The following DSCAM variants were observed in gnomAD, a reference collection of about 807,000 sequenced individuals.
DSCAM encodes the protein cell adhesion molecule DSCAM.
DSCAM carries 47 observed loss-of-function variants against 217.7 expected under a neutral mutation model. The ratio of observed to expected loss-of-function variants is 0.22; its 90% CI spans 0.17 to 0.28. The LOEUF (loss-of-function observed/expected upper bound fraction) is 0.28. Ranked by LOEUF, DSCAM falls within the 10% of genes least tolerant of loss-of-function variation. The probability of loss-of-function intolerance (pLI) is 1.00; values close to 1 mark genes in which losing one functional copy is unlikely to be tolerated. For synonymous variants in DSCAM, 1,056 were observed against 1,015.3 expected, an observed-to-expected ratio of 1.04 and a Z score of -0.76; for missense variants, 2,080 against 2,618.3, an observed-to-expected ratio of 0.79 and a Z score of 4.49.
intron 3 of DSCAM, among the ~76,000 whole-genome samples, chr21:40,646,814 C>T (rs2089952935): frequency 6.6e-6 from 1 of 152,200 alleles, no homozygotes; most frequent in African/African-American, 2.4e-5. Context: ...GGGCCCTGGA[C>T]CATCTCTTGG....
intron 19 of DSCAM, among the ~76,000 whole-genome samples, chr21:40,131,179 C>A (rs558340796): frequency 5.9e-5 from 9 of 152,174 alleles, no homozygotes; most frequent in Admixed American, 5.9e-4. Context: ...AGTATAAATA[C>A]GATCTGTAAT....
intron 1 of DSCAM, among the ~76,000 whole-genome samples, chr21:40,767,839 C>T (rs543395964): frequency 6.6e-6 from 1 of 151,942 alleles, no homozygotes; most frequent in Admixed American, 6.5e-5. Context: ...TTAACATTGC[C>T]AGTTTAGTCA....
At chr21:40,800,715 C>CTTTTTTTTTTT (rs34391500) in intron 1 of DSCAM, among the ~76,000 whole-genome samples, 6 of 131,078 alleles carry the variant, frequency 4.6e-5, no homozygotes, top group East Asian at 4.7e-4. Flanking sequence ...TTCTTACTTT[C>CTTTTTTTTTTT]TTTTTTTTTT....
intron 3 of DSCAM, among the ~76,000 whole-genome samples, chr21:40,595,710 T>A (rs1428451906): frequency 6.6e-6 from 1 of 152,166 alleles, no homozygotes; most frequent in Non-Finnish European, 1.5e-5. Context: ...TATAAGAGGA[T>A]CAGATCCAAA....
rs1226489608 is a variant in DSCAM, at chr21:40,011,631, G to A, written c.*1403C>T. 6.6e-6 allele frequency: 1 copy of A among 152,212 alleles called. No homozygotes were observed. The highest frequency in any genetic ancestry group is 1.9e-4 in the East Asian group (1 of 5,196). 9.4% of individuals were successfully genotyped at this position (152,212 alleles called of 1,614,324 possible). ...CTCTTTCATAAAGCAAACCCTGTGAGGGTTGTGGGATAAAGAATGCAGTTC... is the reference window on the plus strand; with the variant it reads ...CTCTTTCATAAAGCAAACCCTGTGAAGGTTGTGGGATAAAGAATGCAGTTC... On this transcript the variant is annotated 3_prime_UTR_variant, in exon 33 of 33. Transcript: ENST00000400454.
chr21:40,351,062 T>A (rs2074625514), intron 5 of DSCAM, among the ~76,000 whole-genome samples: 1 of 151,708 alleles, frequency 6.6e-6, no homozygotes, highest in African/African-American at 2.4e-5. Context: ...AAACATACTT[T>A]TAATGGAATC....
At chr21:40,817,989 G>C (rs547250258) in intron 1 of DSCAM, among the ~76,000 whole-genome samples, 1 of 149,766 alleles carries the variant, frequency 6.7e-6, no homozygotes, top group Non-Finnish European at 1.5e-5. Flanking sequence ...CCAGCTACTC[G>C]GGAGGCTGAG....
chr21:40,058,553 A>C (rs1357646913), intron 28 of DSCAM, among the ~76,000 whole-genome samples: 3 of 152,216 alleles, frequency 2.0e-5, no homozygotes, highest in Non-Finnish European at 4.4e-5. Flanking sequence ...TCTGTGAAGT[A>C]AATCCTCACA....
rs143165252 is a variant in DSCAM at position 40,810,952 on chromosome 21, T to C, written c.43+35667A>G. Among the ~76,000 whole-genome samples the C allele has an allele frequency of 2.8e-4, 42 of 152,274 alleles. No individual in the cohort carries two copies. In the East Asian group the frequency reaches 7.5e-3, roughly 27 times the overall value. On this transcript the variant is annotated intron_variant, in intron 1 of 32. Coordinates refer to ENST00000400454, the MANE Select transcript of DSCAM (RefSeq NM_001389.5). ...AAAATAATTTTTTCACTTGGGGTCA[T>C]TGTATGTTTGCAATGAGAGGCTACA...
chr21:40,391,647 C>T (rs980099618), intron 3 of DSCAM, among the ~76,000 whole-genome samples: 6 of 152,180 alleles, frequency 3.9e-5, no homozygotes, highest in Non-Finnish European at 7.3e-5. Context: ...GACAGGATGT[C>T]TCCCCACTGG....
At chr21:40,779,492 G>A (rs970433911) in intron 1 of DSCAM, among the ~76,000 whole-genome samples, 3 of 152,160 alleles carry the variant, frequency 2.0e-5, no homozygotes, top group Non-Finnish European at 4.4e-5. Context: ...CATTGCATGC[G>A]TATCAAATTC....
chr21:40,575,868 T>C (rs2076846108), intron 3 of DSCAM, among the ~76,000 whole-genome samples: 1 of 151,944 alleles, frequency 6.6e-6, no homozygotes, highest in African/African-American at 2.4e-5. Flanking sequence ...AGAAGACATA[T>C]CACGTCCAAT....
chr21:40,792,689 A>C (rs2091656616), intron 1 of DSCAM, among the ~76,000 whole-genome samples: 1 of 152,226 alleles, frequency 6.6e-6, no homozygotes, highest in South Asian at 2.1e-4. Context: ...GATAAAGAGA[A>C]TGGGGCAGTA....
intron 23 of DSCAM, among the ~76,000 whole-genome samples, chr21:40,084,285 G>A (rs531189082): frequency 1.3e-5 from 2 of 152,084 alleles, no homozygotes; most frequent in South Asian, 2.1e-4. Flanking sequence ...GACTGTCTGA[G>A]TTATTTATCA....
At chr21:40,029,640 C>G (rs2088479390) in intron 32 of DSCAM, among the ~76,000 whole-genome samples, 1 of 152,176 alleles carries the variant, frequency 6.6e-6, no homozygotes, top group African/African-American at 2.4e-5. Context: ...GAGCCTACCT[C>G]TGCACAGGTC....
intron 1 of DSCAM, among the ~76,000 whole-genome samples, chr21:40,709,710 G>A (rs2090757204): frequency 6.6e-6 from 1 of 152,176 alleles, no homozygotes; most frequent in African/African-American, 2.4e-5. Flanking sequence ...TGGTGTGTAT[G>A]TGCCACATTT....
chr21:40,512,906 ATTTATTTT>A (rs1176848221), intron 3 of DSCAM, among the ~76,000 whole-genome samples: 1 of 151,830 alleles, frequency 6.6e-6, no homozygotes, highest in African/African-American at 2.4e-5. Flanking sequence ...TTATTTATTT[ATTTATTTT>A]TTGAGACAGA....
At chr21:40,843,846 T>G (rs2092122849) in intron 1 of DSCAM, among the ~76,000 whole-genome samples, 1 of 151,358 alleles carries the variant, frequency 6.6e-6, no homozygotes, top group Non-Finnish European at 1.5e-5. Context: ...GCAACCATAC[T>G]TTTATTAAGA....
At chr21:40,478,307 T>G (rs1011019981) in intron 3 of DSCAM, among the ~76,000 whole-genome samples, 4 of 152,208 alleles carry the variant, frequency 2.6e-5, no homozygotes, top group Middle Eastern at 3.2e-3. Flanking sequence ...AAGAACACTG[T>G]ATATGCCTGT....
Sources: allele counts gnomAD v4.1 joint callset (sites outside exome capture counted in the v4.1 genomes callset), GRCh38; gene constraint gnomAD v4.1.1; transcripts MANE v1.5; gene names NCBI Gene and HGNC (gene_info 2026-07-23, HGNC 2026-07-21).